Variants in IL1RAPL2 observed in about 807,000 individuals in gnomAD.
IL1RAPL2 encodes X-linked interleukin-1 receptor accessory protein-like 2.
Under a neutral mutation model 44.1 loss-of-function variants are expected in IL1RAPL2, and 3 were observed. The ratio of observed to expected loss-of-function variants is 0.07; its 90% CI spans 0.03 to 0.18. The LOEUF (loss-of-function observed/expected upper bound fraction) is 0.18. Among genes scored for constraint, IL1RAPL2 ranks in the 10% least tolerant of loss-of-function variants. The pLI, the probability that IL1RAPL2 is intolerant of heterozygous loss-of-function variation, is 1.00. For synonymous variants in IL1RAPL2, 181 were observed against 178.8 expected (o/e 1.01, Z -0.10); for missense variants, 391 against 496.4 (o/e 0.79, Z 2.02).
intron 5 of IL1RAPL2, among the ~76,000 whole-genome samples, chrX:105,295,539 C>T (rs1006447631): frequency 1.8e-5 from 2 of 111,601 alleles, no homozygotes. Context: ...CCATGAGTTA[C>T]ATGACCCATT....
intron 2 of IL1RAPL2, among the ~76,000 whole-genome samples, chrX:104,975,560 T>A (rs986833748): frequency 1.8e-5 from 2 of 112,734 alleles, no homozygotes; most frequent in Non-Finnish European, 3.7e-5. Context: ...TCAAAGAACA[T>A]GGTAAACTTA....
At chrX:105,461,559 C>G (rs2036092969) in intron 5 of IL1RAPL2, among the ~76,000 whole-genome samples, 1 of 111,156 alleles carries the variant, frequency 9.0e-6, no homozygotes, top group South Asian at 3.8e-4. Context: ...TAATTTCAGC[C>G]TGCTTTTCTT....
chrX:105,029,193 T>C (rs752441100), intron 2 of IL1RAPL2, among the ~76,000 whole-genome samples: 34 of 108,111 alleles, frequency 3.1e-4, no homozygotes, highest in Admixed American at 2.7e-3. Flanking sequence ...ATGTTAAGAG[T>C]CTTTTTTTTT....
intron 2 of IL1RAPL2, among the ~76,000 whole-genome samples, chrX:105,162,750 A>G (rs752326920): frequency 9.0e-6 from 1 of 111,350 alleles, no homozygotes; most frequent in African/African-American, 3.3e-5. Flanking sequence ...GTGTCTTGCA[A>G]ACAGCAAACA....
At chrX:105,092,998 T>C (rs911569292) in intron 2 of IL1RAPL2, among the ~76,000 whole-genome samples, 4 of 111,507 alleles carry the variant, frequency 3.6e-5, no homozygotes, top group Non-Finnish European at 5.7e-5. Flanking sequence ...TCTACCTTTT[T>C]CCTCTCATAG....
chrX:105,207,352 G>A (rs1556153345), intron 3 of IL1RAPL2, among the ~76,000 whole-genome samples: 1 of 111,587 alleles, frequency 9.0e-6, no homozygotes, highest in Non-Finnish European at 1.9e-5. Flanking sequence ...TCATTAAATT[G>A]TATCCTAGAA....
At chrX:104,618,113 C>T (rs1355974848) in intron 1 of IL1RAPL2, among the ~76,000 whole-genome samples, 1 of 112,106 alleles carries the variant, frequency 8.9e-6, no homozygotes, top group East Asian at 2.8e-4. Context: ...TTTGGCTTCA[C>T]TTTCATAGCC....
intron 4 of IL1RAPL2, among the ~76,000 whole-genome samples, chrX:105,265,303 G>T (rs1397908242): frequency 8.9e-6 from 1 of 111,984 alleles, no homozygotes; most frequent in Non-Finnish European, 1.9e-5. Context: ...CCTTCAGAAT[G>T]ATTCTTTAGA....
At chrX:105,439,862 T>C (rs1569441268) in intron 5 of IL1RAPL2, among the ~76,000 whole-genome samples, 1 of 111,970 alleles carries the variant, frequency 8.9e-6, no homozygotes, top group Non-Finnish European at 1.9e-5. Flanking sequence ...CTAAATTAAA[T>C]CTGAGTTAAA....
chrX:105,691,101 C>G (rs937607926), intron 6 of IL1RAPL2, among the ~76,000 whole-genome samples: 4 of 111,256 alleles, frequency 3.6e-5, no homozygotes, highest in African/African-American at 9.8e-5. Flanking sequence ...AATGCAGTCA[C>G]ATTGAGGGTT....
intron 2 of IL1RAPL2, among the ~76,000 whole-genome samples, chrX:104,980,729 T>C (rs2030420584): frequency 8.9e-6 from 1 of 112,439 alleles, no homozygotes; most frequent in Admixed American, 9.4e-5. Context: ...CCTTGTAGTA[T>C]AGTTTGAAGT....
intron 2 of IL1RAPL2, among the ~76,000 whole-genome samples, chrX:104,824,457 G>T (rs1359897685): frequency 8.9e-6 from 1 of 111,777 alleles, no homozygotes; most frequent in Non-Finnish European, 1.9e-5. Flanking sequence ...TACTTTCAAG[G>T]AATAGTACCA....
At chrX:105,332,484 T>G (rs2034994309) in intron 5 of IL1RAPL2, among the ~76,000 whole-genome samples, 1 of 111,484 alleles carries the variant, frequency 9.0e-6, no homozygotes, top group Non-Finnish European at 1.9e-5. Flanking sequence ...CTTTCACCAC[T>G]GTTACTCAAC....
At chrX:104,772,203 G>A (rs1932651087) in intron 2 of IL1RAPL2, among the ~76,000 whole-genome samples, 1 of 112,016 alleles carries the variant, frequency 8.9e-6, no homozygotes, top group African/African-American at 3.2e-5. Context: ...GGCATTATGA[G>A]CCAGATTATT....
At chrX:104,677,162 G>A (rs1349085808) in intron 2 of IL1RAPL2, among the ~76,000 whole-genome samples, 1 of 111,914 alleles carries the variant, frequency 8.9e-6, no homozygotes. Flanking sequence ...CTTTGGAGGA[G>A]GAGAGGTGCT....
intron 1 of IL1RAPL2, among the ~76,000 whole-genome samples, chrX:104,624,335 G>A (rs1198422287): frequency 1.8e-5 from 2 of 110,573 alleles, no homozygotes; most frequent in African/African-American, 6.6e-5. Flanking sequence ...AATAGGTATA[G>A]GGATACTTTC....
intron 2 of IL1RAPL2, among the ~76,000 whole-genome samples, chrX:105,173,577 TAAC>T (rs1253562080): frequency 2.7e-5 from 3 of 110,963 alleles, no homozygotes; most frequent in Non-Finnish European, 5.7e-5. Context: ...GATAAATAAT[TAAC>T]AAGAGGAGGC....
chrX:105,514,606 G>A (rs1215321371), intron 6 of IL1RAPL2, among the ~76,000 whole-genome samples: 1 of 112,362 alleles, frequency 8.9e-6, no homozygotes, highest in Non-Finnish European at 1.9e-5. Context: ...ACGATACTAA[G>A]TGTAGCTAAG....
chrX:104,668,153 C>G (rs975224669), intron 2 of IL1RAPL2, among the ~76,000 whole-genome samples: 5 of 110,838 alleles, frequency 4.5e-5, no homozygotes, highest in Admixed American at 2.9e-4. Context: ...TGTTGAGAAA[C>G]AAGTAGCTAG....
Sources: gnomAD v4.1 joint callset for allele counts (sites outside exome capture counted in the v4.1 genomes callset) on GRCh38, gnomAD v4.1.1 for gene constraint, MANE v1.5 for transcripts, NCBI Gene and HGNC (gene_info 2026-07-23, HGNC 2026-07-21) for gene names.